Variants in TANC2 observed in about 807,000 individuals in gnomAD.
The protein encoded by TANC2 is tetratricopeptide repeat, ankyrin repeat and coiled-coil containing 2, also known as protein TANC2.
TANC2 carries 26 observed loss-of-function variants against 210.5 expected under a neutral mutation model. That is an observed-to-expected ratio of 0.12 (90% CI 0.09 to 0.17). TANC2 has a LOEUF of 0.17. Among genes scored for constraint, TANC2 ranks in the 10% least tolerant of loss-of-function variants. The probability of loss-of-function intolerance (pLI) is 1.00; values close to 1 mark genes in which losing one functional copy is unlikely to be tolerated. For missense variants in TANC2, 2,129 were observed against 2,608.9 expected (o/e 0.82, Z 4.01); for synonymous variants, 931 against 967.1 (o/e 0.96, Z 0.69).
At chr17:63,117,362 A>T (rs2038291410) in intron 4 of TANC2, among the ~76,000 whole-genome samples, 3 of 152,200 alleles carry the variant, frequency 2.0e-5, no homozygotes, top group Admixed American at 2.0e-4. Flanking sequence ...GGAATCATAC[A>T]ACCTATATTT....
intron 5 of TANC2, among the ~76,000 whole-genome samples, chr17:63,187,658 G>A (rs747810232): frequency 3.3e-5 from 5 of 151,890 alleles, no homozygotes; most frequent in African/African-American, 7.3e-5. Context: ...TAAACCCACA[G>A]ATACAAGAAG....
intron 2 of TANC2, among the ~76,000 whole-genome samples, chr17:63,041,158 C>T (rs1248008886): frequency 6.6e-6 from 1 of 151,776 alleles, no homozygotes; most frequent in Non-Finnish European, 1.5e-5. Context: ...TTTTTTATAG[C>T]CAAAGCAAAG....
intron 5 of TANC2, among the ~76,000 whole-genome samples, chr17:63,164,013 C>T (rs775831784): frequency 2.6e-5 from 4 of 151,658 alleles, no homozygotes; most frequent in African/African-American, 7.3e-5. Flanking sequence ...GGGAAAGATA[C>T]AGTACAAATG....
At chr17:63,422,130 C>A in exon 28 of TANC2, 1 of 747,060 alleles carries the variant, frequency 1.3e-6, no homozygotes. Context: ...AGCGGCCTCC[C>A]GGGAGCCAGG....
chr17:63,304,157 AAGAGGCACTC>A (rs1378270908), intron 9 of TANC2, among the ~76,000 whole-genome samples: 15 of 152,138 alleles, frequency 9.9e-5, no homozygotes, highest in African/African-American at 3.6e-4. Context: ...TTTGGAGGAG[AAGAGGCACTC>A]TGGCCTTTTG....
chr17:63,350,118 T>C (rs1386156007), intron 12 of TANC2, among the ~76,000 whole-genome samples: 1 of 152,236 alleles, frequency 6.6e-6, no homozygotes, highest in Non-Finnish European at 1.5e-5. Context: ...AAAAGATCTG[T>C]ATATTTTCAA....
intron 3 of TANC2, among the ~76,000 whole-genome samples, chr17:63,080,140 C>T (rs935280992): frequency 1.3e-5 from 2 of 152,152 alleles, no homozygotes; most frequent in Non-Finnish European, 2.9e-5. Context: ...TCTTTGCATA[C>T]AGAACAGTGC....
At chr17:63,207,906 C>A (rs1366788613) in intron 7 of TANC2, among the ~76,000 whole-genome samples, 1 of 152,134 alleles carries the variant, frequency 6.6e-6, no homozygotes, top group African/African-American at 2.4e-5. Context: ...TGTCAGGCTT[C>A]ATTTTGCCAA....
At chr17:63,332,558 C>A in intron 11 of TANC2, 3 of 341,940 alleles carry the variant, frequency 8.8e-6, no homozygotes, top group South Asian at 8.0e-5. Flanking sequence ...CCCAGGTGGT[C>A]ACACAGGCCC....
At chr17:62,986,938 G>A (rs560751133) in intron 1 of TANC2, among the ~76,000 whole-genome samples, 1 of 152,244 alleles carries the variant, frequency 6.6e-6, no homozygotes, top group African/African-American at 2.4e-5. Context: ...CTATTTCTGA[G>A]GCCCTGACTG....
chr17:63,096,775 A>G (rs1435181661), intron 3 of TANC2, among the ~76,000 whole-genome samples: 1 of 152,112 alleles, frequency 6.6e-6, no homozygotes, highest in Non-Finnish European at 1.5e-5. Context: ...AAAGGAGTGA[A>G]ATGGCTAAGT....
chr17:63,076,868 A>G (rs1010321283), intron 3 of TANC2, among the ~76,000 whole-genome samples: 1 of 152,158 alleles, frequency 6.6e-6, no homozygotes, highest in Non-Finnish European at 1.5e-5. Flanking sequence ...CAAAAGGACA[A>G]AAATAAGAAA....
intron 8 of TANC2, among the ~76,000 whole-genome samples, chr17:63,240,129 CCGAAA>C (rs2146074325): frequency 6.6e-6 from 1 of 152,264 alleles, no homozygotes; most frequent in Non-Finnish European, 1.5e-5. Flanking sequence ...TGAGTCTTTT[CCGAAA>C]AGAAGCATGT....
At chr17:63,167,637 T>A (rs2040254499) in intron 5 of TANC2, among the ~76,000 whole-genome samples, 1 of 151,642 alleles carries the variant, frequency 6.6e-6, no homozygotes, top group Admixed American at 6.6e-5. Context: ...AAAAAATAAA[T>A]AAATAAAACA....
chr17:63,297,822 T>A (rs2044583373), intron 9 of TANC2, among the ~76,000 whole-genome samples: 1 of 151,652 alleles, frequency 6.6e-6, no homozygotes, highest in African/African-American at 2.4e-5. Context: ...CTGATAAGGG[T>A]CTAGTATCCA....
At chr17:63,129,963 G>A (rs956979725) in intron 4 of TANC2, among the ~76,000 whole-genome samples, 5 of 150,232 alleles carry the variant, frequency 3.3e-5, no homozygotes, top group Admixed American at 6.6e-5. Flanking sequence ...ACAACAACAC[G>A]TAAGAACAAC....
intron 7 of TANC2, among the ~76,000 whole-genome samples, chr17:63,220,068 G>A (rs1023526436): frequency 1.3e-5 from 2 of 152,094 alleles, no homozygotes; most frequent in Non-Finnish European, 2.9e-5. Context: ...GTCGAGGTGG[G>A]TGGATCACCG....
chr17:63,056,230 T>A (rs1260577238), intron 2 of TANC2, among the ~76,000 whole-genome samples: 4 of 28,918 alleles, frequency 1.4e-4, no homozygotes, highest in East Asian at 1.1e-3. Flanking sequence ...ATTTTAATTA[T>A]TTTTTTTAAA....
chr17:63,031,477 A>G lies in TANC2; in HGVS notation c.67+21851A>G, dbSNP rs528042971. On this transcript the variant is annotated intron_variant, in intron 2 of 27. Transcript: ENST00000689528. ...ACTTCATGATCTTAGCTCTGGTATT[A>G]TTCATATACTAGTCACTATAGTCAC... 9.5e-4 allele frequency among the ~76,000 whole-genome samples: 145 copies of G among 152,236 alleles called. 1 individual carries two copies. The highest frequency in any genetic ancestry group is 3.4e-3 in the African/African-American group (143 of 41,550).
Sources: gnomAD v4.1 joint callset for allele counts (sites outside exome capture counted in the v4.1 genomes callset) on GRCh38, gnomAD v4.1.1 for gene constraint, MANE v1.5 for transcripts, NCBI Gene and HGNC (gene_info 2026-07-23, HGNC 2026-07-21) for gene names.